ANO3: variants seen among roughly 807,000 people sequenced by gnomAD.
ANO3 encodes the protein anoctamin 3, also known as anoctamin-3.
ANO3 carries 99 observed loss-of-function variants against 144.8 expected under a neutral mutation model. That is an observed-to-expected ratio of 0.68 (90% CI 0.58 to 0.81). The LOEUF is 0.81. ANO3 is among the 30% of genes least tolerant of loss of function. The pLI is 0.00. For synonymous variants in ANO3, 414 were observed against 392.6 expected (o/e 1.05, Z -0.64); for missense variants, 905 against 1,202.2 (o/e 0.75, Z 3.66).
intron 3 of ANO3, among the ~76,000 whole-genome samples, chr11:26,460,700 AG>A (rs1188469376): frequency 1.2e-5 from 1 of 85,280 alleles, no homozygotes; most frequent in Non-Finnish European, 2.9e-5. Flanking sequence ...TAGGAATTAA[AG>A]AAAAAAGTAA....
intron 4 of ANO3, among the ~76,000 whole-genome samples, chr11:26,485,153 A>C (rs1370812791): frequency 1.3e-5 from 2 of 152,108 alleles, no homozygotes; most frequent in Non-Finnish European, 2.9e-5. Flanking sequence ...TTGAGAAGGG[A>C]CAGTTGTACT....
intron 1 of ANO3, among the ~76,000 whole-genome samples, chr11:26,314,338 CA>C (rs1854573025): frequency 1.3e-5 from 2 of 152,162 alleles, no homozygotes; most frequent in Admixed American, 1.3e-4. Context: ...CCAATTTCCT[CA>C]TTTATAAATT....
intron 1 of ANO3, among the ~76,000 whole-genome samples, chr11:26,318,177 C>T (rs1425447037): frequency 6.6e-6 from 1 of 152,010 alleles, no homozygotes; most frequent in Non-Finnish European, 1.5e-5. Flanking sequence ...TTGATGGGTG[C>T]CGCAAACCAC....
intron 15 of ANO3, 21 bp downstream of exon 15, chr11:26,598,468 G>T (rs761009460): frequency 7.3e-6 from 11 of 1,510,594 alleles, no homozygotes; most frequent in Non-Finnish European, 9.0e-6. Context: ...AGGATACAAG[G>T]AAATAGGGAA....
intron 3 of ANO3, among the ~76,000 whole-genome samples, chr11:26,444,182 C>T (rs1365795831): frequency 6.6e-6 from 1 of 152,108 alleles, no homozygotes; most frequent in Non-Finnish European, 1.5e-5. Context: ...GAGATTCTAT[C>T]CTGGCCCATC....
intron 1 of ANO3, among the ~76,000 whole-genome samples, chr11:26,338,420 T>C (rs963975012): frequency 1.3e-5 from 2 of 152,100 alleles, no homozygotes; most frequent in African/African-American, 4.8e-5. Flanking sequence ...AAAATGCACC[T>C]ATCAGTGCTC....
At chr11:26,355,194 A>G (rs1855747334) in intron 1 of ANO3, among the ~76,000 whole-genome samples, 1 of 151,958 alleles carries the variant, frequency 6.6e-6, no homozygotes, top group South Asian at 2.1e-4. Flanking sequence ...TCCCTGTTTT[A>G]CTGAGACATG....
intron 1 of ANO3, among the ~76,000 whole-genome samples, chr11:26,212,350 C>G (rs770008756): frequency 2.0e-5 from 3 of 150,640 alleles, no homozygotes; most frequent in Non-Finnish European, 3.0e-5. Context: ...AATCCAGGAG[C>G]TGTTTTTTTT....
chr11:26,531,178 T>C, intron 7 of ANO3, 27 bp from the exon 8 acceptor site: 1 of 1,613,106 alleles, frequency 6.2e-7, no homozygotes. Context: ...CAACCTAATC[T>C]AGTTCTCAAA....
intron 1 of ANO3, among the ~76,000 whole-genome samples, chr11:26,437,490 GA>G (rs1858336849): frequency 6.6e-6 from 1 of 152,194 alleles, no homozygotes; most frequent in South Asian, 2.1e-4. Context: ...TGGGTAGTCA[GA>G]TAGTCATCCT....
At chr11:26,222,802 G>A (rs1188079718) in intron 1 of ANO3, among the ~76,000 whole-genome samples, 1 of 152,190 alleles carries the variant, frequency 6.6e-6, no homozygotes, top group Non-Finnish European at 1.5e-5. Context: ...GAACATCCTG[G>A]ATGTGGGGAT....
chr11:26,275,492 T>C (rs1853538376), intron 1 of ANO3, among the ~76,000 whole-genome samples: 1 of 152,118 alleles, frequency 6.6e-6, no homozygotes, highest in African/African-American at 2.4e-5. Flanking sequence ...CCATAGTTTA[T>C]AAAATCCTAC....
chr11:26,428,064 G>T (rs1468269157), intron 1 of ANO3, among the ~76,000 whole-genome samples: 1 of 152,156 alleles, frequency 6.6e-6, no homozygotes, highest in Non-Finnish European at 1.5e-5. Context: ...TATCATAGAT[G>T]TGGATCATAG....
At chr11:26,578,377 CATAGGAGACA>C (rs576983163) in intron 14 of ANO3, among the ~76,000 whole-genome samples, 15 of 152,230 alleles carry the variant, frequency 9.9e-5, no homozygotes, top group African/African-American at 3.6e-4. Flanking sequence ...TACGTATTGA[CATAGGAGACA>C]AAGAGCTATC....
intron 1 of ANO3, among the ~76,000 whole-genome samples, chr11:26,439,004 T>C (rs937986031): frequency 1.3e-5 from 2 of 149,266 alleles, no homozygotes; most frequent in African/African-American, 4.9e-5. Flanking sequence ...ATTGGTGGGT[T>C]AGAATTGAGA....
chr11:26,569,920 A>G (rs1292509763), intron 14 of ANO3, among the ~76,000 whole-genome samples: 2 of 151,844 alleles, frequency 1.3e-5, no homozygotes, highest in Non-Finnish European at 2.9e-5. Context: ...CCCAGTAATG[A>G]TTTCACCTCC....
chr11:26,274,408 T>C (rs1230498435), intron 1 of ANO3, among the ~76,000 whole-genome samples: 1 of 152,130 alleles, frequency 6.6e-6, no homozygotes, highest in Admixed American at 6.6e-5. Flanking sequence ...ATGTTGTCCC[T>C]AATTTTTCAG....
chr11:26,611,843 C>T (rs1852107365), intron 17 of ANO3, among the ~76,000 whole-genome samples: 1 of 143,376 alleles, frequency 7.0e-6, no homozygotes, highest in Non-Finnish European at 1.5e-5. Flanking sequence ...TGAATGGATC[C>T]CTTTATCATT....
At chr11:26,361,443 T>G (rs1373153298) in intron 1 of ANO3, among the ~76,000 whole-genome samples, 1 of 152,244 alleles carries the variant, frequency 6.6e-6, no homozygotes, top group Non-Finnish European at 1.5e-5. Context: ...AAATGTGATT[T>G]AATTGCCTTC....
Sources: gnomAD v4.1 joint callset for allele counts (sites outside exome capture counted in the v4.1 genomes callset) on GRCh38, gnomAD v4.1.1 for gene constraint, MANE v1.5 for transcripts, NCBI Gene and HGNC (gene_info 2026-07-23, HGNC 2026-07-21) for gene names.